Variants in LTBP1 observed in about 807,000 individuals in gnomAD.
LTBP1 encodes latent transforming growth factor beta binding protein 1.
Under a neutral mutation model 207.6 loss-of-function variants are expected in LTBP1, and 129 were observed. The ratio of observed to expected loss-of-function variants is 0.62; its 90% CI spans 0.54 to 0.72. LTBP1 has a LOEUF of 0.72. Among genes scored for constraint, LTBP1 ranks in the 30% least tolerant of loss-of-function variants. The pLI, the probability that LTBP1 is intolerant of heterozygous loss-of-function variation, is 0.00. For missense variants in LTBP1, 2,281 were observed against 2,217.2 expected (o/e 1.03, Z -0.58); for synonymous variants, 963 against 833.7 (o/e 1.16, Z -2.67).
At chr2:33,097,074 C>G (rs1352638788) in intron 3 of LTBP1, among the ~76,000 whole-genome samples, 1 of 152,032 alleles carries the variant, frequency 6.6e-6, no homozygotes, top group Non-Finnish European at 1.5e-5. Flanking sequence ...TCTATAGAAT[C>G]ATATATGCCT....
intron 11 of LTBP1, among the ~76,000 whole-genome samples, chr2:33,255,312 C>T (rs928447699): frequency 2.0e-5 from 3 of 152,000 alleles, no homozygotes; most frequent in Non-Finnish European, 4.4e-5. Flanking sequence ...GAATGGCAAT[C>T]ATTAAAAAGT....
chr2:33,143,761 C>G (rs964237744), intron 5 of LTBP1, among the ~76,000 whole-genome samples: 1 of 151,316 alleles, frequency 6.6e-6, no homozygotes, highest in East Asian at 1.9e-4. Context: ...CCATTTCAAA[C>G]AGTTCTGCCT....
At chr2:33,336,363 G>A (rs974594872) in intron 24 of LTBP1, among the ~76,000 whole-genome samples, 3 of 152,166 alleles carry the variant, frequency 2.0e-5, no homozygotes, top group Non-Finnish European at 2.9e-5. Context: ...CAGATTCAGA[G>A]GATTCTTCTG....
chr2:33,373,085 A>G (rs928234386), intron 31 of LTBP1, among the ~76,000 whole-genome samples: 1 of 152,238 alleles, frequency 6.6e-6, no homozygotes, highest in African/African-American at 2.4e-5. Flanking sequence ...GTAATTAGAC[A>G]TTGTAAGTAA....
intron 26 of LTBP1, among the ~76,000 whole-genome samples, chr2:33,350,879 C>G (rs1196718469): frequency 6.6e-6 from 1 of 152,156 alleles, no homozygotes; most frequent in African/African-American, 2.4e-5. Context: ...ACCTTACCCA[C>G]AAAATGCTGT....
chr2:33,302,800 T>C (rs1021411991), intron 22 of LTBP1, among the ~76,000 whole-genome samples: 8 of 152,106 alleles, frequency 5.3e-5, no homozygotes, highest in Non-Finnish European at 7.4e-5. Flanking sequence ...TGGTGGCTCA[T>C]GCCTGTAATT....
At chr2:33,153,601 G>A (rs1171832033) in intron 5 of LTBP1, among the ~76,000 whole-genome samples, 1 of 152,060 alleles carries the variant, frequency 6.6e-6, no homozygotes. Flanking sequence ...CTCACTGTGG[G>A]GAAAAAGTCA....
chr2:33,255,467 C>T (rs2092824453), intron 11 of LTBP1, among the ~76,000 whole-genome samples: 1 of 152,056 alleles, frequency 6.6e-6, no homozygotes, highest in South Asian at 2.1e-4. Flanking sequence ...TTTGACCCAG[C>T]CATCCCATTA....
At chr2:32,996,097 G>T (rs772918904) in intron 2 of LTBP1, among the ~76,000 whole-genome samples, 29 of 152,068 alleles carry the variant, frequency 1.9e-4, no homozygotes, top group Non-Finnish European at 3.5e-4. Flanking sequence ...TTTCTAACTT[G>T]ATGGATTATG....
At chr2:33,254,851 G>GTTTTTT (rs1558893129) in intron 11 of LTBP1, among the ~76,000 whole-genome samples, 4 of 7,062 alleles carry the variant, frequency 5.7e-4, no homozygotes, top group African/African-American at 2.6e-3. Flanking sequence ...TGCGGTGTTT[G>GTTTTTT]GTTTTTTTTT....
rs962968200 is a variant in LTBP1 at position 33,299,157 on chromosome 2, G to A, written c.3236-1294G>A. On this transcript the variant is annotated intron_variant, in intron 20 of 33. Transcript: ENST00000404816. ...GGCGGGAGGCTGAGGCAGGAGAATC[G>A]CTTGAACCCGGGAGACGGAGGTTGC... Among the ~76,000 whole-genome samples, 47 of 151,308 alleles carry A rather than the reference G, an allele frequency of 3.1e-4. 1 individual carries two copies. Among genetic ancestry groups the A allele is most frequent in the Admixed American group, 2.6e-3 (40 of 15,162 alleles).
At chr2:33,231,497 T>A (rs527955969) in intron 9 of LTBP1, among the ~76,000 whole-genome samples, 2 of 152,318 alleles carry the variant, frequency 1.3e-5, no homozygotes, top group South Asian at 4.1e-4. Flanking sequence ...GCATAAGGAC[T>A]TTTTGGCTAC....
At chr2:33,252,339 G>C (rs1014571076) in intron 10 of LTBP1, among the ~76,000 whole-genome samples, 2 of 152,200 alleles carry the variant, frequency 1.3e-5, no homozygotes, top group African/African-American at 2.4e-5. Flanking sequence ...ACTAGGTAGT[G>C]ATTTTGGCAG....
intron 7 of LTBP1, among the ~76,000 whole-genome samples, chr2:33,204,116 A>AT (rs35400321): frequency 6.6e-6 from 1 of 152,168 alleles, no homozygotes; most frequent in Non-Finnish European, 1.5e-5. Context: ...GAGAAGCAAC[A>AT]TTTTTTGCCG....
chr2:33,199,283 T>G (rs886183287), intron 7 of LTBP1, among the ~76,000 whole-genome samples: 1 of 152,240 alleles, frequency 6.6e-6, no homozygotes, highest in Non-Finnish European at 1.5e-5. Context: ...ATCATTTCTG[T>G]TCTTTTACAT....
intron 19 of LTBP1, among the ~76,000 whole-genome samples, chr2:33,289,074 A>T (rs1264374481): frequency 2.0e-5 from 3 of 152,230 alleles, no homozygotes; most frequent in Admixed American, 1.3e-4. Context: ...CAGTGATTAG[A>T]TGAGTAGACC....
intron 3 of LTBP1, among the ~76,000 whole-genome samples, chr2:33,066,829 G>A (rs772968508): frequency 1.3e-5 from 2 of 152,138 alleles, no homozygotes; most frequent in Non-Finnish European, 2.9e-5. Context: ...ATTTATTGAT[G>A]GTGAGTTAAT....
At chr2:33,117,801 T>G (rs80223756) in intron 4 of LTBP1, among the ~76,000 whole-genome samples, 7,181 of 152,138 alleles carry the variant, frequency 0.047, 241 homozygotes, top group Non-Finnish European at 0.074. Context: ...ATATAGTAAG[T>G]GTAGATGAGG....
intron 4 of LTBP1, among the ~76,000 whole-genome samples, chr2:33,122,243 G>A (rs1193955710): frequency 6.6e-6 from 1 of 152,126 alleles, no homozygotes; most frequent in Non-Finnish European, 1.5e-5. Flanking sequence ...CCTCTGGTCT[G>A]CTGACCTGCC....
Sources: gnomAD v4.1 joint callset for allele counts (sites outside exome capture counted in the v4.1 genomes callset) on GRCh38, gnomAD v4.1.1 for gene constraint, MANE v1.5 for transcripts, NCBI Gene and HGNC (gene_info 2026-07-23, HGNC 2026-07-21) for gene names.